NDST4: variants seen among roughly 807,000 people sequenced by gnomAD.
The protein encoded by NDST4 is N-deacetylase and N-sulfotransferase 4.
Under a neutral mutation model 100.8 loss-of-function variants are expected in NDST4, and 63 were observed. The ratio of observed to expected loss-of-function variants is 0.62; its 90% CI spans 0.51 to 0.77. NDST4 has a LOEUF of 0.77. Ranked by LOEUF, NDST4 falls within the 30% of genes least tolerant of loss-of-function variation. NDST4 has a pLI of 0.00. For missense variants in NDST4, 943 were observed against 1,018.4 expected (o/e 0.93, Z 1.01); for synonymous variants, 377 against 361.8 (o/e 1.04, Z -0.48).
chr4:114,917,970 A>T (rs1294584837), intron 6 of NDST4, among the ~76,000 whole-genome samples: 1 of 152,188 alleles, frequency 6.6e-6, no homozygotes, highest in African/African-American at 2.4e-5. Flanking sequence ...TATTACATTA[A>T]AAATAATCAT....
chr4:114,901,108 G>A (rs1397560072), intron 6 of NDST4, among the ~76,000 whole-genome samples: 2 of 151,670 alleles, frequency 1.3e-5, no homozygotes, highest in African/African-American at 2.4e-5. Flanking sequence ...TTGAGAAGAC[G>A]GTGTATTATG....
At chr4:115,072,061 G>A (rs1444265170) in intron 2 of NDST4, among the ~76,000 whole-genome samples, 1 of 151,850 alleles carries the variant, frequency 6.6e-6, no homozygotes, top group Non-Finnish European at 1.5e-5. Flanking sequence ...CAAATCTAAG[G>A]AAAAATACAA....
At chr4:114,976,326 G>A (rs1726632626) in intron 3 of NDST4, among the ~76,000 whole-genome samples, 1 of 152,012 alleles carries the variant, frequency 6.6e-6, no homozygotes, top group Non-Finnish European at 1.5e-5. Flanking sequence ...TTCACAGCAT[G>A]GATGCACAAA....
At chr4:114,849,951 C>T (rs1446386223) in intron 8 of NDST4, among the ~76,000 whole-genome samples, 9 of 151,660 alleles carry the variant, frequency 5.9e-5, no homozygotes, top group East Asian at 3.9e-4. Flanking sequence ...AGTTTAAAAA[C>T]GAGAAAATGT....
In NDST4 at chr4:115,049,958, A is replaced by G. The variant is rs181449338; in HGVS notation, c.978+26101T>C. On this transcript the variant is annotated intron_variant, in intron 2 of 13. Coordinates refer to ENST00000264363, the MANE Select transcript of NDST4 (RefSeq NM_022569.3). ...TCCTTTTACAGATGAAGACCTAGCA[A>G]TATTAATGAGAGGGTATTGCCTAAA... is the stretch of plus-strand genomic sequence containing the variant. 2.6e-5 allele frequency among the ~76,000 whole-genome samples: 4 copies of G among 152,294 alleles called. No individual in the cohort carries two copies. In the East Asian group the frequency reaches 7.7e-4, roughly 29 times the overall value.
In NDST4 at chr4:115,076,874, T is replaced by A. The variant is rs1729198020; in HGVS notation, c.163A>T (p.Ile55Phe). 6.2e-7 allele frequency: 1 copy of A among 1,613,864 alleles called. No homozygotes were observed. The highest frequency in any genetic ancestry group is 1.3e-5 in the African/African-American group (1 of 75,058). Residue 55 changes from isoleucine (I) to phenylalanine (F), a missense_variant, in exon 2 of 14, where the codon ATC (isoleucine) becomes TTC (phenylalanine). Ile to Phe is a conservative substitution (Grantham distance 21). This residue lies in a region of NDST4 where 417 missense variants were observed against 384.2 expected (regional missense o/e 1.09). Coordinates refer to ENST00000264363, the MANE Select transcript of NDST4 (RefSeq NM_022569.3). Reference protein sequence around the residue: ...ETTAEAECTDIKILPYRSMEL... With the variant: ...ETTAEAECTDFKILPYRSMEL... Reference sequence around the variant, plus strand: ...ATTGACCTATATGGTAGAATTTTGATGTCAGTGCATTCTGCTTCTGCAGTG... The same window carrying A: ...ATTGACCTATATGGTAGAATTTTGAAGTCAGTGCATTCTGCTTCTGCAGTG...
At chr4:114,872,439 T>C (rs1380074764) in intron 6 of NDST4, among the ~76,000 whole-genome samples, 1 of 152,016 alleles carries the variant, frequency 6.6e-6, no homozygotes, top group African/African-American at 2.4e-5. Context: ...CTGATAGATA[T>C]CAGTTCGTTG....
intron 4 of NDST4, among the ~76,000 whole-genome samples, chr4:114,939,697 T>C (rs1433614046): frequency 6.9e-6 from 1 of 143,952 alleles, no homozygotes; most frequent in African/African-American, 2.6e-5. Context: ...AAAAAAAAGG[T>C]AAAAAGCAAT....
intron 2 of NDST4, among the ~76,000 whole-genome samples, chr4:114,999,607 A>G (rs371867308): frequency 6.6e-6 from 1 of 152,234 alleles, no homozygotes. Context: ...AAGCACAATA[A>G]CTGTAAATAA....
At chr4:114,893,370 A>G (rs1016672509) in intron 6 of NDST4, among the ~76,000 whole-genome samples, 13 of 152,288 alleles carry the variant, frequency 8.5e-5, no homozygotes, top group Admixed American at 2.6e-4. Flanking sequence ...AACAGTGTAA[A>G]AGCATTCCTA....
chr4:115,035,320 A>C (rs1355813664), intron 2 of NDST4, among the ~76,000 whole-genome samples: 4 of 152,102 alleles, frequency 2.6e-5, no homozygotes, highest in Non-Finnish European at 5.9e-5. Flanking sequence ...CATCAGATAG[A>C]ATTTCATTAT....
At chr4:114,959,742 A>G (rs1726218647) in intron 4 of NDST4, among the ~76,000 whole-genome samples, 1 of 152,190 alleles carries the variant, frequency 6.6e-6, no homozygotes, top group Non-Finnish European at 1.5e-5. Flanking sequence ...ACTAAAGAAT[A>G]AAGAGGAAAA....
intron 13 of NDST4, 99 bp from the exon 14 acceptor site, chr4:114,828,034 C>A (rs1319592715): frequency 9.9e-7 from 1 of 1,015,188 alleles, no homozygotes; most frequent in East Asian, 2.8e-5. Context: ...CTACAGTATA[C>A]GTGTCTACAA....
chr4:114,996,865 C>T (rs1180256749), intron 2 of NDST4, among the ~76,000 whole-genome samples: 1 of 151,920 alleles, frequency 6.6e-6, no homozygotes, highest in Non-Finnish European at 1.5e-5. Context: ...TCATAGGTGG[C>T]CTCATAGAGC....
rs77731401 is a variant in NDST4 at position 114,864,913 on chromosome 4, T to C, written c.1719+5855A>G. On this transcript the variant is annotated intron_variant, in intron 7 of 13. Transcript: ENST00000264363. The stretch of plus-strand genomic sequence containing the variant: ...TACTGCTTTAGACACAAAATGTTTC[T>C]AATTTACCCTAAATGTCTATCTATT... Among the ~76,000 whole-genome samples the C allele has an allele frequency of 1.2e-3, 189 of 152,306 alleles. 1 individual carries two copies. In the East Asian group the frequency reaches 0.034, roughly 27 times the overall value.
intron 4 of NDST4, among the ~76,000 whole-genome samples, chr4:114,949,109 A>T (rs1725933339): frequency 6.6e-6 from 1 of 152,054 alleles, no homozygotes; most frequent in African/African-American, 2.4e-5. Flanking sequence ...AAACAGTGAA[A>T]CTAAATTTTG....
intron 6 of NDST4, among the ~76,000 whole-genome samples, chr4:114,874,606 C>A (rs1273139815): frequency 6.6e-6 from 1 of 152,174 alleles, no homozygotes; most frequent in African/African-American, 2.4e-5. Flanking sequence ...CTTAACTGTG[C>A]ATATCTGGCT....
chr4:114,928,067 A>G (rs1352735858), intron 6 of NDST4, among the ~76,000 whole-genome samples: 1 of 152,228 alleles, frequency 6.6e-6, no homozygotes, highest in Non-Finnish European at 1.5e-5. Flanking sequence ...TCTGTTAAAT[A>G]GAAACATTCT....
chr4:114,863,001 T>G (rs1346930942), intron 7 of NDST4, among the ~76,000 whole-genome samples: 1 of 152,150 alleles, frequency 6.6e-6, no homozygotes, highest in East Asian at 1.9e-4. Flanking sequence ...CCATTTCTGT[T>G]TTCACCTCTT....
Sources: gnomAD v4.1 joint callset for allele counts (sites outside exome capture counted in the v4.1 genomes callset) on GRCh38, gnomAD v4.1.1 for gene constraint, gnomAD v4.1.1 regional missense constraint, MANE v1.5 for transcripts, NCBI Gene and HGNC (gene_info 2026-07-23, HGNC 2026-07-21) for gene names.